Variants in PTGES2 observed in about 807,000 individuals in gnomAD.
PTGES2 encodes GATE-binding factor 1.
In PTGES2, 35 loss-of-function variants were observed where a neutral mutation model predicts 44.5. That is an observed-to-expected ratio of 0.79 (90% CI 0.60 to 1.04). The LOEUF (loss-of-function observed/expected upper bound fraction) is 1.04, where lower values mean the gene tolerates loss of function less well. Among genes scored for constraint, PTGES2 ranks in the 50% least tolerant of loss-of-function variants. The pLI, the probability that PTGES2 is intolerant of heterozygous loss-of-function variation, is 0.00. For missense variants in PTGES2, 517 were observed against 521.4 expected (o/e 0.99, Z 0.08); for synonymous variants, 221 against 227.5 (o/e 0.97, Z 0.26).
chr9:128,122,926 A>G lies in PTGES2; in HGVS notation c.887+8T>C. 1.2e-6 allele frequency: 2 copies of G among 1,613,818 alleles called. No homozygotes were observed. The highest frequency in any genetic ancestry group is 1.7e-6 in the Non-Finnish European group (2 of 1,179,918). On this transcript the variant is annotated splice_region_variant and intron_variant, in intron 5 of 6. Transcript: ENST00000338961. Reference sequence around the variant, plus strand: ...GACAGCAGGCCCCGGATGTGCACACACACTTGCCTGCTCTTGAGTCGCTTG... The same window carrying G: ...GACAGCAGGCCCCGGATGTGCACACGCACTTGCCTGCTCTTGAGTCGCTTG...
chr9:128,127,800 C>T (rs1834692708), upstream of PTGES2: 7 of 1,199,400 alleles, frequency 5.8e-6, no homozygotes, highest in Non-Finnish European at 7.3e-6. Flanking sequence ...AGGACTCTGG[C>T]GCCCCGCGGG....
chr9:128,127,914 G>A (rs1268076659), upstream of PTGES2: 1 of 461,144 alleles, frequency 2.2e-6, no homozygotes, highest in Non-Finnish European at 3.5e-6. Flanking sequence ...GCAGAGGCCC[G>A]CTCGGGAACG....
chr9:128,127,865 G>A, upstream of PTGES2: 1 of 827,070 alleles, frequency 1.2e-6, no homozygotes, highest in Non-Finnish European at 1.6e-6. Context: ...GGGACTGGGC[G>A]TGTGCCCGGC....
intron 1 of PTGES2, among the ~76,000 whole-genome samples, chr9:128,126,489 G>T (rs6478818): frequency 6.6e-6 from 1 of 152,080 alleles, no homozygotes. Flanking sequence ...TGGGGAGAGA[G>T]GATGATGAAC....
In PTGES2 at chr9:128,123,267, G is replaced by A. The variant is rs1834495044; in HGVS notation, c.687-133C>T. The A allele has an allele frequency of 7.4e-5, 57 of 768,108 alleles. 1 individual carries two copies. The South Asian group carries it at 1.1e-3, about 14-fold the overall frequency. The allele number at this position is 768,108 out of a possible 1,614,324, so 47.6% of individuals were successfully genotyped here. Reference sequence around the variant, plus strand: ...AGGAAGGTCTTTTTTTTTTTTTTGAGACAAAGTCTCGCTCTGTCACCCAGG... The same window carrying A: ...AGGAAGGTCTTTTTTTTTTTTTTGAAACAAAGTCTCGCTCTGTCACCCAGG... On this transcript the variant is annotated intron_variant, in intron 4 of 6. Transcript: ENST00000338961. The surrounding 1 kb of genome is among the most constrained non-coding windows in gnomAD (Gnocchi z 4.4).
Position 128,121,271 on chromosome 9 carries a change from C to A in PTGES2, c.1008G>T (p.Ala336=). 1 of 1,605,848 alleles carries A rather than the reference C, an allele frequency of 6.2e-7. No homozygotes were observed. ...GGQKPNLADL[A]VYGVLRVMEG... is the part of the protein sequence containing the mutation. ...CCATCACACGCAGCACGCCATACAC[C>A]GCCTGGGGCACGAACAGAAACGTGT... The change falls in exon 7 of 7, where the codon GCG becomes GCT. Residue 336 remains alanine, a splice_region_variant and synonymous_variant. Transcript: ENST00000338961.
intron 1 of PTGES2, among the ~76,000 whole-genome samples, chr9:128,126,232 C>G (rs960952856): frequency 2.0e-5 from 3 of 152,240 alleles, no homozygotes; most frequent in African/African-American, 7.2e-5. Context: ...TTACCCACCT[C>G]TGTTCCCTCT....
rs1397068175 is a variant in PTGES2 at position 128,123,138 on chromosome 9, C to T, written c.687-4G>A. On this transcript the variant is annotated splice_polypyrimidine_tract_variant and splice_region_variant and intron_variant, in intron 4 of 6. Coordinates refer to ENST00000338961, the MANE Select transcript of PTGES2 (RefSeq NM_025072.7). The surrounding 1 kb of genome is among the most constrained non-coding windows in gnomAD (Gnocchi z 4.4). Reference sequence around the variant, plus strand: ...CTGCCGCCACTTCATCTCCTCCCTGCGGGCACGGGAGGGACTTCCTAAGCC... The same window carrying T: ...CTGCCGCCACTTCATCTCCTCCCTGTGGGCACGGGAGGGACTTCCTAAGCC... 1.9e-6 allele frequency: 3 copies of T among 1,607,742 alleles called. No individual in the cohort carries two copies. Among genetic ancestry groups the T allele is most frequent in the East Asian group, 2.2e-5 (1 of 44,872 alleles).
At chr9:128,126,276 G>A (rs1340641228) in intron 1 of PTGES2, among the ~76,000 whole-genome samples, 1 of 152,152 alleles carries the variant, frequency 6.6e-6, no homozygotes, top group Non-Finnish European at 1.5e-5. Flanking sequence ...GGCGGGTGGT[G>A]GGAAGTCAAG....
At position 128,124,501 on chromosome 9, in the gene PTGES2, A is replaced by C; in HGVS notation, c.527T>G (p.Leu176Arg). ...CCGAGGGGCTCCTTACCCCGACACC[A>C]GGTAGGTCTTGAGGGCGCTGATGAT... is the stretch of plus-strand genomic sequence containing the variant. ...SVIISALKTY[L>R]VSGQPLEEII... is the part of the protein sequence containing the mutation. Residue 176 changes from leucine (L) to arginine (R), a missense_variant, in exon 3 of 7, where the codon CTG (leucine) becomes CGG (arginine). Leu to Arg is a moderately radical substitution (Grantham distance 102). Coordinates refer to ENST00000338961, the MANE Select transcript of PTGES2 (RefSeq NM_025072.7). 1 of 1,613,682 alleles carries C rather than the reference A, an allele frequency of 6.2e-7. No homozygotes were observed. Among genetic ancestry groups the C allele is most frequent in the Non-Finnish European group, 8.5e-7 (1 of 1,179,738 alleles).
intron 6 of PTGES2, 105 bp from the exon 7 acceptor site, chr9:128,121,378 G>A (rs534788279): frequency 7.0e-7 from 1 of 1,424,062 alleles, no homozygotes; most frequent in African/African-American, 1.4e-5. Context: ...CTCCCCCCTT[G>A]GAGCTCGTGA....
Position 128,123,050 on chromosome 9 carries a change from A to G in PTGES2, c.771T>C (p.Ala257=). ...GGACAATGTAGTCAAAGGACGCCAG[A>G]GCCTCGGTGGGCGTGCGGTACACAT... is the stretch of plus-strand genomic sequence containing the variant. ...SPNVYRTPTE[A]LASFDYIVRE... Residue 257 remains alanine, a synonymous_variant, in exon 5 of 7, where the codon GCT becomes GCC. Coordinates refer to ENST00000338961, the MANE Select transcript of PTGES2 (RefSeq NM_025072.7). This position sits in a 1 kb window ranked among gnomAD's most constrained non-coding sequence, Gnocchi z 4.4. 1 of 1,613,630 alleles carries G rather than the reference A, an allele frequency of 6.2e-7. No individual in the cohort carries two copies. Among genetic ancestry groups the G allele is most frequent in the East Asian group, 2.2e-5 (1 of 44,866 alleles).
chr9:128,128,428 A>T (rs1834738423), upstream of PTGES2: 1 of 449,494 alleles, frequency 2.2e-6, no homozygotes, highest in South Asian at 1.6e-5. Context: ...GTCTCCGCGG[A>T]CAGCCCCGGG....
intron 6 of PTGES2, 59 bp downstream of exon 6, chr9:128,122,303 T>TC (rs1279751310): frequency 7.3e-7 from 1 of 1,361,708 alleles, no homozygotes; most frequent in African/African-American, 1.4e-5. Flanking sequence ...CTTGCAAACC[T>TC]CCCCCACTCT....
rs772679760 is a variant in PTGES2 at position 128,125,456 on chromosome 9, C to T, written c.280-15G>A. 3.1e-6 allele frequency: 5 copies of T among 1,613,174 alleles called. No individual in the cohort carries two copies. The highest frequency in any genetic ancestry group is 4.5e-5 in the East Asian group (2 of 44,896). On this transcript the variant is annotated splice_polypyrimidine_tract_variant and intron_variant, in intron 1 of 6. Transcript: ENST00000338961. ...GACAGGGAGAGCTGCGGGCAGCAGA[C>T]GGAAAAGGCTTCTAGACCTGGCACC...
chr9:128,127,722 G>A lies in PTGES2; in HGVS notation c.-5C>T. 3.2e-6 allele frequency: 4 copies of A among 1,257,396 alleles called. No homozygotes were observed. The highest frequency in any genetic ancestry group is 3.0e-6 in the Non-Finnish European group (3 of 1,001,906). 77.9% of individuals were successfully genotyped at this position (1,257,396 alleles called of 1,614,324 possible). On this transcript the variant is annotated 5_prime_UTR_variant, in exon 1 of 7. Transcript: ENST00000338961. ...CACCCGCGCAGCCGGGTCCATGTTC[G>A]CTCCGCCGGCGCCGCGGGCGGGCGC...
intron 6 of PTGES2, among the ~76,000 whole-genome samples, 196 bp from the exon 7 acceptor site, chr9:128,121,469 G>A (rs1374101338): frequency 6.6e-6 from 1 of 152,084 alleles, no homozygotes; most frequent in Non-Finnish European, 1.5e-5. Flanking sequence ...CTTCACATCT[G>A]TACCCCCTTT....
chr9:128,127,369 C>G, intron 1 of PTGES2, 70 bp downstream of exon 1: 1 of 1,276,446 alleles, frequency 7.8e-7, no homozygotes, highest in Non-Finnish European at 1.0e-6. Flanking sequence ...ACTCCTGACC[C>G]TGCGGGTTCC....
chr9:128,122,615 G>T (rs553622240), intron 5 of PTGES2, 136 bp from the exon 6 acceptor site: 3 of 711,602 alleles, frequency 4.2e-6, no homozygotes, highest in Admixed American at 4.9e-5. Flanking sequence ...ATCTGCAGAC[G>T]CCTCAGGGAG....
Sources: allele counts gnomAD v4.1 joint callset (sites outside exome capture counted in the v4.1 genomes callset), GRCh38; gene constraint gnomAD v4.1.1; non-coding constraint Gnocchi (gnomAD v3.1); transcripts MANE v1.5; gene names NCBI Gene and HGNC (gene_info 2026-07-23, HGNC 2026-07-21).